The following IMMP2L variants were observed in gnomAD, a reference collection of about 807,000 sequenced individuals.
The protein encoded by IMMP2L is mitochondrial inner membrane protease subunit 2.
A neutral mutation model predicts 19.3 loss-of-function variants in IMMP2L; 18 were observed. That is an observed-to-expected ratio of 0.93 (90% CI 0.64 to 1.38). IMMP2L has a LOEUF of 1.38. IMMP2L is among the 40% of genes most tolerant of loss of function. The pLI is 0.00. For synonymous variants in IMMP2L, 76 were observed against 73.0 expected (o/e 1.04, Z -0.21); for missense variants, 233 against 218.2 (o/e 1.07, Z -0.43).
chr7:110,815,102 T>G (rs1399613811), intron 5 of IMMP2L, among the ~76,000 whole-genome samples: 4 of 152,120 alleles, frequency 2.6e-5, no homozygotes, highest in African/African-American at 7.2e-5. Flanking sequence ...GGCTGTGGGT[T>G]TGTCATAGAT....
chr7:111,067,421 T>A (rs552947674), intron 3 of IMMP2L, among the ~76,000 whole-genome samples: 1 of 152,176 alleles, frequency 6.6e-6, no homozygotes, highest in Non-Finnish European at 1.5e-5. Flanking sequence ...GGAGCCCAGA[T>A]AAAGGCTAGA....
At chr7:111,426,901 C>T (rs1836132853) in intron 3 of IMMP2L, among the ~76,000 whole-genome samples, 1 of 151,058 alleles carries the variant, frequency 6.6e-6, no homozygotes, top group Non-Finnish European at 1.5e-5. Context: ...ACCCATATAC[C>T]TATTCAGGCA....
At chr7:111,012,797 G>A (rs569205157) in intron 3 of IMMP2L, among the ~76,000 whole-genome samples, 2 of 152,256 alleles carry the variant, frequency 1.3e-5, no homozygotes, top group South Asian at 2.1e-4. Context: ...ACTTGCCGAT[G>A]AGGAAATGAA....
At chr7:110,745,475 GA>G (rs201755154) in intron 5 of IMMP2L, among the ~76,000 whole-genome samples, 10,611 of 152,188 alleles carry the variant, frequency 0.07, 439 homozygotes, top group African/African-American at 0.11. Flanking sequence ...TGAAATGAAG[GA>G]AAAAATGTTA....
chr7:110,947,474 C>T (rs911448632), intron 4 of IMMP2L, among the ~76,000 whole-genome samples: 14 of 152,128 alleles, frequency 9.2e-5, no homozygotes, highest in African/African-American at 2.2e-4. Flanking sequence ...CCTCAAAAGA[C>T]GGCCCCAGAA....
At chr7:110,771,216 A>G (rs1799008498) in intron 5 of IMMP2L, among the ~76,000 whole-genome samples, 1 of 152,042 alleles carries the variant, frequency 6.6e-6, no homozygotes, top group Non-Finnish European at 1.5e-5. Context: ...CCACTATGAG[A>G]CTGCTGGTTT....
intron 3 of IMMP2L, among the ~76,000 whole-genome samples, chr7:111,344,133 A>G (rs1286008389): frequency 6.6e-6 from 1 of 152,112 alleles, no homozygotes. Context: ...TCAAACTATA[A>G]ATAGAAGTCA....
chr7:111,068,223 C>T (rs965905800), intron 3 of IMMP2L, among the ~76,000 whole-genome samples: 4 of 151,434 alleles, frequency 2.6e-5, no homozygotes, highest in African/African-American at 9.7e-5. Flanking sequence ...TGTGAGAAGA[C>T]AGATGGCTAA....
At chr7:111,058,736 G>C (rs1793737931) in intron 3 of IMMP2L, among the ~76,000 whole-genome samples, 1 of 152,098 alleles carries the variant, frequency 6.6e-6, no homozygotes, top group African/African-American at 2.4e-5. Context: ...TCCACCCTTA[G>C]AGAAATTAGC....
At chr7:111,395,080 A>C (rs1287664273) in intron 3 of IMMP2L, 2 of 184,980 alleles carry the variant, frequency 1.1e-5, no homozygotes, top group Middle Eastern at 6.9e-4. Context: ...TCATGTGAAC[A>C]TGAGAGTGGC....
At chr7:110,927,998 T>C (rs969462654) in intron 4 of IMMP2L, among the ~76,000 whole-genome samples, 57 of 152,050 alleles carry the variant, frequency 3.7e-4, no homozygotes, top group African/African-American at 1.4e-3. Flanking sequence ...GTGTTGGGGT[T>C]ATTTTTGTAT....
At chr7:111,241,142 C>A (rs896510586) in intron 3 of IMMP2L, among the ~76,000 whole-genome samples, 1 of 151,780 alleles carries the variant, frequency 6.6e-6, no homozygotes, top group Non-Finnish European at 1.5e-5. Flanking sequence ...TTAAATCTTA[C>A]TTTCAAAAAA....
At chr7:111,131,466 G>C (rs1379421915) in intron 3 of IMMP2L, among the ~76,000 whole-genome samples, 1 of 151,802 alleles carries the variant, frequency 6.6e-6, no homozygotes, top group Non-Finnish European at 1.5e-5. Context: ...GAAGGAAAAA[G>C]GAAAGGAAGA....
chr7:111,049,742 C>T (rs1792823198), intron 3 of IMMP2L, among the ~76,000 whole-genome samples: 1 of 152,144 alleles, frequency 6.6e-6, no homozygotes, highest in Admixed American at 6.5e-5. Context: ...AAAGCAAAGG[C>T]AAAATGCAAG....
chr7:111,532,608 GGAAAGA>G (rs1426643007), intron 1 of IMMP2L: 1 of 151,996 alleles, frequency 6.6e-6, no homozygotes, highest in Non-Finnish European at 1.5e-5. Flanking sequence ...GGACAAAAAT[GGAAAGA>G]GAAAGTCACA....
chr7:111,554,770 T>A (rs1371096266), intron 1 of IMMP2L, among the ~76,000 whole-genome samples: 1 of 152,038 alleles, frequency 6.6e-6, no homozygotes, highest in Non-Finnish European at 1.5e-5. Context: ...CATGCCAGCA[T>A]GCCTGACTAA....
intron 5 of IMMP2L, among the ~76,000 whole-genome samples, chr7:110,813,760 T>TTA (rs397757906): frequency 1.3e-5 from 2 of 151,254 alleles, no homozygotes; most frequent in Non-Finnish European, 3.0e-5. Context: ...TTTTTTTTTT[T>TTA]ACTTTCTATA....
intron 3 of IMMP2L, among the ~76,000 whole-genome samples, chr7:110,977,189 C>G (rs982215980): frequency 1.3e-5 from 2 of 151,916 alleles, no homozygotes; most frequent in Admixed American, 1.3e-4. Flanking sequence ...GTGCCAGGTA[C>G]TCTGTATGGT....
intron 3 of IMMP2L, among the ~76,000 whole-genome samples, chr7:110,975,959 A>G (rs1820645649): frequency 6.6e-6 from 1 of 152,114 alleles, no homozygotes; most frequent in African/African-American, 2.4e-5. Context: ...GCTTTGAAAT[A>G]AATGTGAAAA....
Sources: gnomAD v4.1 joint callset for allele counts (sites outside exome capture counted in the v4.1 genomes callset) on GRCh38, gnomAD v4.1.1 for gene constraint, MANE v1.5 for transcripts, NCBI Gene and HGNC (gene_info 2026-07-23, HGNC 2026-07-21) for gene names.